APOBEC3A: variants seen among roughly 807,000 people sequenced by gnomAD.
The protein encoded by APOBEC3A is apolipoprotein B mRNA editing enzyme catalytic subunit 3A.
In APOBEC3A, 13 loss-of-function variants were observed where a neutral mutation model predicts 23.0. The observed-to-expected ratio is 0.57, with a 90% CI of 0.37 to 0.90. The LOEUF is 0.90. Among genes scored for constraint, APOBEC3A ranks in the 40% least tolerant of loss-of-function variants. The pLI is 0.01. For synonymous variants in APOBEC3A, 74 were observed against 101.3 expected (o/e 0.73, Z 1.62); for missense variants, 179 against 264.9 (o/e 0.68, Z 2.25).
At position 38,962,663 on chromosome 22, in the gene APOBEC3A, TA is replaced by T; in HGVS notation, c.*160del. Reference sequence around the variant, plus strand: ...GTATGCTCCCGATCAAGTAGATTTTTAAAAAATCAGAGTGGGCCGGGCGCGG... The same window carrying T: ...GTATGCTCCCGATCAAGTAGATTTTTAAAAATCAGAGTGGGCCGGGCGCGG... On this transcript the variant is annotated 3_prime_UTR_variant, in exon 5 of 5. Coordinates refer to ENST00000249116, the MANE Select transcript of APOBEC3A (RefSeq NM_145699.4). The T allele has an allele frequency of 1.3e-6, 2 of 1,540,022 alleles. No homozygotes were observed. Among genetic ancestry groups the T allele is most frequent in the Non-Finnish European group, 1.8e-6 (2 of 1,142,664 alleles).
chr22:38,958,207 G>T (rs2064463253), intron 1 of APOBEC3A, among the ~76,000 whole-genome samples: 1 of 152,182 alleles, frequency 6.6e-6, no homozygotes, highest in Non-Finnish European at 1.5e-5. Context: ...GCAAGTGAGT[G>T]GTAGAGCCCA....
rs556419231 is a variant in APOBEC3A at position 38,962,991 on chromosome 22, C to T, written c.*482C>T. The T allele has an allele frequency of 1.1e-5, 2 of 177,536 alleles. No homozygotes were observed. The highest frequency in any genetic ancestry group is 5.8e-5 in the Admixed American group (1 of 17,172). 11.0% of individuals were successfully genotyped at this position (177,536 alleles called of 1,614,324 possible). ...AAAAACCAGACTGAATTAATTTTAA[C>T]TGAAAATTTCTCTTATGTTCCAAGT... is the stretch of plus-strand genomic sequence containing the variant. On this transcript the variant is annotated 3_prime_UTR_variant, in exon 5 of 5. Transcript: ENST00000249116.
chr22:38,959,713 G>A, intron 2 of APOBEC3A, 27 bp downstream of exon 2: 14 of 1,605,974 alleles, frequency 8.7e-6, no homozygotes, highest in South Asian at 1.1e-5. Flanking sequence ...TCCGAATCCG[G>A]GCAGGGCCCT....
At chr22:38,958,880 T>G in intron 1 of APOBEC3A, among the ~76,000 whole-genome samples, 1 of 149,108 alleles carries the variant, frequency 6.7e-6, no homozygotes, top group East Asian at 2.0e-4. Context: ...TCTTTTGTGC[T>G]GCCTCCCAAC....
rs754652109 is a variant in APOBEC3A at position 38,959,622 on chromosome 22, T to C, written c.110T>C (p.Val37Ala). Residue 37 changes from valine to alanine, a missense_variant, in exon 2 of 5, where the codon GTG (valine) becomes GCG (alanine). Around this residue, in one of 5 missense-constraint regions of APOBEC3A, gnomAD observed 87 missense variants for 74.5 expected, o/e 1.17. Coordinates refer to ENST00000249116, the MANE Select transcript of APOBEC3A (RefSeq NM_145699.4). ...GRHKTYLCYE[V>A]ERLDNGTSVK... Reference sequence around the variant, plus strand: ...CATAAGACCTACCTGTGCTACGAAGTGGAGCGCCTGGACAATGGCACCTCG... The same window carrying C: ...CATAAGACCTACCTGTGCTACGAAGCGGAGCGCCTGGACAATGGCACCTCG... 1 of 1,614,118 alleles carries C rather than the reference T, an allele frequency of 6.2e-7. No homozygotes were observed. The highest frequency in any genetic ancestry group is 1.1e-5 in the South Asian group (1 of 91,084).
chr22:38,959,157 C>A (rs1922749872), intron 1 of APOBEC3A, among the ~76,000 whole-genome samples: 2 of 152,188 alleles, frequency 1.3e-5, no homozygotes, highest in South Asian at 4.1e-4. Flanking sequence ...AGGAGTTAAC[C>A]CTGCAGGCAG....
At chr22:38,959,519 G>A (rs1204756675) in intron 1 of APOBEC3A, 23 bp from the exon 2 acceptor site, 3 of 1,611,172 alleles carry the variant, frequency 1.9e-6, no homozygotes, top group Non-Finnish European at 2.5e-6. Context: ...TCCTCCTCTG[G>A]TCTTTTCCCT....
rs1359874030 is a variant in APOBEC3A at position 38,957,658 on chromosome 22, G to A, written c.-34G>A. 4 of 1,610,412 alleles carry A rather than the reference G, an allele frequency of 2.5e-6. No individual in the cohort carries two copies. The highest frequency in any genetic ancestry group is 1.7e-5 in the Admixed American group (1 of 59,576). On this transcript the variant is annotated 5_prime_UTR_variant, in exon 1 of 5. Transcript: ENST00000249116. ...CCTTGAGCAAGTCGCAAGAGCGGGA[G>A]GACACAGACCAGGAACCGAGAAGGG...
At chr22:38,958,605 T>C (rs529564254) in intron 1 of APOBEC3A, among the ~76,000 whole-genome samples, 1 of 149,420 alleles carries the variant, frequency 6.7e-6, no homozygotes, top group African/African-American at 2.5e-5. Flanking sequence ...CTTCCTCTCT[T>C]TCTCCCTTTC....
In APOBEC3A at chr22:38,961,548, G is replaced by T. The variant is rs141050367; in HGVS notation, c.336G>T (p.Ala112=). 1.9e-4 allele frequency: 284 copies of T among 1,531,096 alleles called. 12 individuals carry two copies. The African/African-American group carries it at 3.3e-3, about 18-fold the overall frequency. 94.8% of individuals were successfully genotyped at this position (1,531,096 alleles called of 1,614,324 possible). A position where few individuals can be genotyped will look rare whatever the true frequency, so the allele number is the denominator to read the frequency against. Residue 112 remains alanine, a synonymous_variant, in exon 3 of 5, where the codon GCG becomes GCT. Transcript: ENST00000249116. ...GGGGCTGTGCCGGGGAAGTGCGTGC[G>T]TTCCTTCAGGAGAACACACACGTGA... ...FSWGCAGEVR[A]FLQENTHVRL...
In APOBEC3A at chr22:38,959,397, G is replaced by T. The variant is rs1922763552; in HGVS notation, c.30-145G>T. The T allele has an allele frequency of 7.6e-6, 7 of 916,558 alleles. No homozygotes were observed. The East Asian group carries it at 1.7e-4, about 23-fold the overall frequency. The allele number at this position is 916,558 out of a possible 1,614,324, so 56.8% of individuals were successfully genotyped here. A position where few individuals can be genotyped will look rare whatever the true frequency, so the allele number is the denominator to read the frequency against. ...CAGTGAGCCATAGAAGGGGTCAGAGGGGGAGGTTTGGAAGTGTGCTAAGGG... is the reference window on the plus strand; with the variant it reads ...CAGTGAGCCATAGAAGGGGTCAGAGTGGGAGGTTTGGAAGTGTGCTAAGGG... On this transcript the variant is annotated intron_variant, in intron 1 of 4. Transcript: ENST00000249116.
intron 1 of APOBEC3A, 144 bp downstream of exon 1, chr22:38,957,864 T>C (rs1922640205): frequency 2.7e-6 from 3 of 1,120,364 alleles, no homozygotes; most frequent in South Asian, 1.4e-5. Flanking sequence ...TGCTCTAGGT[T>C]CCCAGTTTTG....
At position 38,961,842 on chromosome 22, in the gene APOBEC3A, G is replaced by A. The variant is rs117824653; in HGVS notation, c.469+161G>A. ...GAAGAGAGAGGCCAGGCCAGGAGAT[G>A]TGGGCCCAGGGAGGGCAGGGAGAGT... On this transcript the variant is annotated intron_variant, in intron 3 of 4. Coordinates refer to ENST00000249116, the MANE Select transcript of APOBEC3A (RefSeq NM_145699.4). Among the ~76,000 whole-genome samples the A allele has an allele frequency of 5.9e-5, 9 of 152,070 alleles. No individual in the cohort carries two copies. The East Asian group carries it at 7.7e-4, about 13-fold the overall frequency.
rs1234872371 is a variant in APOBEC3A at position 38,957,665 on chromosome 22, G to T, written c.-27G>T. 6.2e-7 allele frequency: 1 copy of T among 1,611,542 alleles called. No homozygotes were observed. The highest frequency in any genetic ancestry group is 8.5e-7 in the Non-Finnish European group (1 of 1,178,698). ...CAAGTCGCAAGAGCGGGAGGACACA[G>T]ACCAGGAACCGAGAAGGGACAAGCA... is the stretch of plus-strand genomic sequence containing the variant. On this transcript the variant is annotated 5_prime_UTR_variant, in exon 1 of 5. Transcript: ENST00000249116.
At chr22:38,959,869 G>C (rs1922797938) in intron 2 of APOBEC3A, among the ~76,000 whole-genome samples, 183 bp downstream of exon 2, 1 of 152,188 alleles carries the variant, frequency 6.6e-6, no homozygotes, top group South Asian at 2.1e-4. Context: ...TCCATGCCCA[G>C]GTGGGGTTGA....
chr22:38,959,546 T>C lies in APOBEC3A; in HGVS notation c.34T>C (p.Leu12=), dbSNP rs563280159. 1.2e-6 allele frequency: 2 copies of C among 1,613,600 alleles called. No homozygotes were observed. Among genetic ancestry groups the C allele is most frequent in the Non-Finnish European group, 8.5e-7 (1 of 1,179,750 alleles). ...CTTTTCCCTGGCTGTCCACAGACACTTGATGGATCCACACATATTCACTTC... is the reference window on the plus strand; with the variant it reads ...CTTTTCCCTGGCTGTCCACAGACACCTGATGGATCCACACATATTCACTTC... ...EASPASGPRH[L]MDPHIFTSNF... The change falls in exon 2 of 5, where the codon TTG becomes CTG. Residue 12 remains leucine (L), a synonymous_variant. Transcript: ENST00000249116.
At chr22:38,959,768 T>G in intron 2 of APOBEC3A, 82 bp downstream of exon 2, 1 of 1,528,546 alleles carries the variant, frequency 6.5e-7, no homozygotes, top group South Asian at 1.2e-5. Flanking sequence ...GGATTGTACT[T>G]GTGGTTTCCT....
rs1922954706 is a variant in APOBEC3A, at chr22:38,962,568, A to G, written c.*59A>G. 41 of 1,542,592 alleles carry G rather than the reference A, an allele frequency of 2.7e-5. No homozygotes were observed. Among genetic ancestry groups the G allele is most frequent in the Non-Finnish European group, 3.5e-5 (40 of 1,145,546 alleles). ...CCTGGGTTGAGCAGCAGAATAAAAG[A>G]TCTTCTTCCAAGAAATGCAAACAGA... On this transcript the variant is annotated 3_prime_UTR_variant, in exon 5 of 5. Transcript: ENST00000249116.
chr22:38,958,856 CTTCT>C (rs199651619), intron 1 of APOBEC3A, among the ~76,000 whole-genome samples: 4,036 of 100,854 alleles, frequency 0.04, 208 homozygotes, highest in African/African-American at 0.16. Flanking sequence ...TTTCTCTTTC[CTTCT>C]TTCTTTCTTT....
Sources: gnomAD v4.1 joint callset for allele counts (sites outside exome capture counted in the v4.1 genomes callset) on GRCh38, gnomAD v4.1.1 for gene constraint, gnomAD v4.1.1 regional missense constraint, MANE v1.5 for transcripts, NCBI Gene and HGNC (gene_info 2026-07-23, HGNC 2026-07-21) for gene names.